Variants in HERC2 observed in about 807,000 individuals in gnomAD.
HERC2 encodes the protein HECT and RLD domain containing E3 ubiquitin protein ligase 2, also known as E3 ubiquitin-protein ligase HERC2.
HERC2 carries 102 observed loss-of-function variants against 537.7 expected under a neutral mutation model. That is an observed-to-expected ratio of 0.19 (90% confidence interval 0.16 to 0.22). The LOEUF is 0.22. Ranked by LOEUF, HERC2 falls within the 10% of genes least tolerant of loss-of-function variation. The pLI is 1.00. For missense variants in HERC2, 4,236 were observed against 6,198.2 expected, an observed-to-expected ratio of 0.68 and a Z score of 10.63; for synonymous variants, 2,224 against 2,466.2, an observed-to-expected ratio of 0.90 and a Z score of 2.91.
At chr15:28,269,762 C>T (rs541890152) in intron 10 of HERC2, among the ~76,000 whole-genome samples, 1 of 152,226 alleles carries the variant, frequency 6.6e-6, no homozygotes, top group Admixed American at 6.5e-5. Context: ...CAGGCAAAAT[C>T]CCAAAAGCCC....
At chr15:28,140,380 G>A (rs1196773208) in intron 78 of HERC2, among the ~76,000 whole-genome samples, 1 of 152,030 alleles carries the variant, frequency 6.6e-6, no homozygotes, top group Non-Finnish European at 1.5e-5. Flanking sequence ...TAGACAGAAA[G>A]GAACAGCATT....
intron 55 of HERC2, among the ~76,000 whole-genome samples, chr15:28,189,860 C>T (rs1229432205): frequency 6.6e-6 from 1 of 151,950 alleles, no homozygotes; most frequent in Non-Finnish European, 1.5e-5. Flanking sequence ...TGGTTAACTA[C>T]ATTTAATAAT....
intron 8 of HERC2, among the ~76,000 whole-genome samples, 155 bp from the exon 9 acceptor site, chr15:28,272,541 T>C (rs1019624115): frequency 2.6e-5 from 4 of 152,132 alleles, no homozygotes; most frequent in African/African-American, 7.2e-5. Flanking sequence ...AATCACTGAA[T>C]TGACACCAAG....
chr15:28,233,650 A>G lies in HERC2; in HGVS notation c.4351+14T>C, dbSNP rs1596295809. 1 of 1,613,904 alleles carries G rather than the reference A, an allele frequency of 6.2e-7. No homozygotes were observed. Among genetic ancestry groups the G allele is most frequent in the East Asian group, 2.2e-5 (1 of 44,884 alleles). On this transcript the variant is annotated intron_variant, in intron 28 of 92. Transcript: ENST00000261609. ...TGCAGTGTACCTAAAGTACACAGAT[A>G]TCGAGCTCCTTACCTAAATCTTCAT...
chr15:28,144,321 A>G, intron 72 of HERC2, 86 bp from the exon 73 acceptor site: 7 of 1,372,674 alleles, frequency 5.1e-6, no homozygotes, highest in Non-Finnish European at 7.0e-6. Flanking sequence ...GGGTGGCTCC[A>G]CCCAGCCCCA....
rs776660761 is a variant in HERC2, at chr15:28,265,986, A to AG, written c.1599-13dup. 27 of 1,613,014 alleles carry AG rather than the reference A, an allele frequency of 1.7e-5. No individual in the cohort carries two copies. The highest frequency in any genetic ancestry group is 1.6e-4 in the Middle Eastern group (1 of 6,068). ...GCTCCTCCAAAGGCCTTGGGGAGAA[A>AG]GGGAACAAACATGAATGCCCTTCTT... On this transcript the variant is annotated splice_polypyrimidine_tract_variant and intron_variant, in intron 12 of 92. Transcript: ENST00000261609. This position sits in a 1 kb window ranked among gnomAD's most constrained non-coding sequence, Gnocchi z 4.0.
At chr15:28,296,098 C>A (rs1354588123) in intron 3 of HERC2, among the ~76,000 whole-genome samples, 1 of 151,942 alleles carries the variant, frequency 6.6e-6, no homozygotes, top group Non-Finnish European at 1.5e-5. Flanking sequence ...TCCCTAACAC[C>A]CCGAATCAGT....
intron 2 of HERC2, among the ~76,000 whole-genome samples, chr15:28,311,147 T>G (rs2076934348): frequency 7.9e-6 from 1 of 126,366 alleles, no homozygotes; most frequent in Non-Finnish European, 1.6e-5. Context: ...ACAGTAGAAG[T>G]CAAGACAGGG....
chr15:28,314,497 TA>T (rs1567156692), intron 2 of HERC2, among the ~76,000 whole-genome samples: 2 of 151,246 alleles, frequency 1.3e-5, no homozygotes, highest in African/African-American at 2.5e-5. Flanking sequence ...TTTAATTTCC[TA>T]AAAAAAGAAA....
At chr15:28,112,671 G>A (rs964086882) in intron 92 of HERC2, among the ~76,000 whole-genome samples, 10 of 152,004 alleles carry the variant, frequency 6.6e-5, no homozygotes, top group South Asian at 2.1e-4. Flanking sequence ...TCTGACCACC[G>A]GCCCACAGAG....
At position 28,256,170 on chromosome 15, in the gene HERC2, C is replaced by T. The variant is rs1489133767; in HGVS notation, c.2665G>A (p.Val889Met). The change falls in exon 18 of 93, where the codon GTG (valine) becomes ATG (methionine). Residue 889 changes from valine (V) to methionine (M), a missense_variant. Transcript: ENST00000261609. ...LSTVQSAAQAVLQSGWSVLLP... is the reference protein window; with the variant it reads ...LSTVQSAAQAMLQSGWSVLLP... ...AGCACGGACCAGCCACTCTGCAGCA[C>T]GGCCTGGGCGGCCGACTGCACGGTG... 5.6e-6 allele frequency: 9 copies of T among 1,601,490 alleles called. No individual in the cohort carries two copies. The highest frequency in any genetic ancestry group is 1.3e-5 in the African/African-American group (1 of 74,924).
chr15:28,224,137 ACACACACACACC>A lies in HERC2; in HGVS notation c.5465-1934_5465-1923del, dbSNP rs1301304389. On this transcript the variant is annotated intron_variant, in intron 35 of 92. Transcript: ENST00000261609. Reference sequence around the variant, plus strand: ...AAATATATAAATTAAAAAATTATACACACACACACACCCACACACACACACACACAGAGAGAG... The same window carrying A: ...AAATATATAAATTAAAAAATTATACACACACACACACACACACAGAGAGAG... 3.5e-3 allele frequency among the ~76,000 whole-genome samples: 464 copies of A among 132,032 alleles called. 7 individuals carry two copies. The highest frequency in any genetic ancestry group is 0.015 in the African/African-American group (439 of 29,888). 86.6% of individuals were successfully genotyped at this position (132,032 alleles called of 152,430 possible).
chr15:28,184,736 C>T (rs1490953440), intron 56 of HERC2, among the ~76,000 whole-genome samples: 1 of 151,390 alleles, frequency 6.6e-6, no homozygotes, highest in Non-Finnish European at 1.5e-5. Flanking sequence ...GCGGCGTGCA[C>T]CTGTAGTCCC....
At chr15:28,278,345 T>C (rs2075932342) in intron 5 of HERC2, among the ~76,000 whole-genome samples, 1 of 152,018 alleles carries the variant, frequency 6.6e-6, no homozygotes, top group Admixed American at 6.6e-5. Context: ...ATGGCCCCAC[T>C]GCCCTGGGCA....
At position 28,202,003 on chromosome 15, in the gene HERC2, A is replaced by G. The variant is rs879175564; in HGVS notation, c.7617+110T>C. 42 of 1,199,004 alleles carry G rather than the reference A, an allele frequency of 3.5e-5. No individual in the cohort carries two copies. In the South Asian group the frequency reaches 5.1e-4, roughly 15 times the overall value. The allele number at this position is 1,199,004 out of a possible 1,614,324, so 74.3% of individuals were successfully genotyped here. A position where few individuals can be genotyped will look rare whatever the true frequency, so the allele number is the denominator to read the frequency against. ...AGGTTGGTTTTATGGAACAGTCCAC[A>G]GTAGATATAGTTAATTCTTTCAAGG... On this transcript the variant is annotated intron_variant, in intron 47 of 92. Transcript: ENST00000261609.
chr15:28,135,556 C>T lies in HERC2; in HGVS notation c.12152G>A (p.Cys4051Tyr). 1 of 1,614,230 alleles carries T rather than the reference C, an allele frequency of 6.2e-7. No individual in the cohort carries two copies. The highest frequency in any genetic ancestry group is 8.5e-7 in the Non-Finnish European group (1 of 1,180,044). Reference sequence around the variant, plus strand: ...TTCTCCTTCTGAAGACAGGGCAAGGCAGTGCTTTCCTCCAGAGTTCACAGC... The same window carrying T: ...TTCTCCTTCTGAAGACAGGGCAAGGTAGTGCTTTCCTCCAGAGTTCACAGC... ...KVAVNSGGKH[C>Y]LALSSEGEVY... Residue 4051 changes from cysteine (C) to tyrosine (Y), a missense_variant, in exon 79 of 93, where the codon TGC (cysteine) becomes TAC (tyrosine). Around this residue, in one of 27 missense-constraint regions of HERC2, gnomAD observed 43 missense variants for 82.6 expected, o/e 0.52. Transcript: ENST00000261609.
intron 44 of HERC2, among the ~76,000 whole-genome samples, chr15:28,208,813 C>G (rs1898779333): frequency 6.6e-6 from 1 of 152,222 alleles, no homozygotes; most frequent in South Asian, 2.1e-4. Flanking sequence ...CCACTGGCTC[C>G]AGATGCCTGT....
intron 69 of HERC2, among the ~76,000 whole-genome samples, chr15:28,162,443 T>A (rs1033091587): frequency 6.6e-6 from 1 of 152,106 alleles, no homozygotes; most frequent in African/African-American, 2.4e-5. Flanking sequence ...ACTGACAGAT[T>A]TGACCACATA....
At chr15:28,133,355 A>C (rs930610867) in intron 79 of HERC2, among the ~76,000 whole-genome samples, 1 of 152,196 alleles carries the variant, frequency 6.6e-6, no homozygotes, top group African/African-American at 2.4e-5. Flanking sequence ...TTTGGCTATC[A>C]GACCTTAGTC....
Sources: gnomAD v4.1 joint callset for allele counts (sites outside exome capture counted in the v4.1 genomes callset) on GRCh38, gnomAD v4.1.1 for gene constraint, gnomAD v4.1.1 regional missense constraint, Gnocchi (gnomAD v3.1) non-coding constraint, MANE v1.5 for transcripts, NCBI Gene and HGNC (gene_info 2026-07-23, HGNC 2026-07-21) for gene names.